LRMDA: variants seen among roughly 807,000 people sequenced by gnomAD.
LRMDA encodes the protein leucine rich melanocyte differentiation associated.
In LRMDA, 18 loss-of-function variants were observed where a neutral mutation model predicts 29.8. The ratio of observed to expected loss-of-function variants is 0.60; its 90% CI spans 0.42 to 0.90. The LOEUF is 0.90. LRMDA is among the 40% of genes least tolerant of loss of function. The pLI, the probability that LRMDA is intolerant of heterozygous loss-of-function variation, is 0.00. For synonymous variants in LRMDA, 125 were observed against 109.4 expected (o/e 1.14, Z -0.89); for missense variants, 273 against 273.9 (o/e 1.00, Z 0.02).
intron 2 of LRMDA, among the ~76,000 whole-genome samples, chr10:75,563,409 G>A (rs1350051968): frequency 6.6e-6 from 1 of 151,974 alleles, no homozygotes; most frequent in Admixed American, 6.6e-5. Flanking sequence ...CTCTGTATTG[G>A]TTATGCTAGT....
At position 75,709,276 on chromosome 10, in the gene LRMDA, T is replaced by C. The variant is rs372387698; in HGVS notation, c.131+270782T>C. ...AATAAATTTATAGAGTAGATTGCAA[T>C]GATGATGCTAACACTGGTGATGAGG... On this transcript the variant is annotated intron_variant, in intron 2 of 6. Transcript: ENST00000611255. 3.9e-5 allele frequency among the ~76,000 whole-genome samples: 6 copies of C among 152,294 alleles called. No individual in the cohort carries two copies. The East Asian group carries it at 1.2e-3, about 29-fold the overall frequency.
intron 6 of LRMDA, among the ~76,000 whole-genome samples, chr10:76,338,219 C>T (rs1840993410): frequency 1.3e-5 from 2 of 151,964 alleles, no homozygotes. Context: ...CAAGACCCAG[C>T]AGGGTGGCAT....
intron 2 of LRMDA, among the ~76,000 whole-genome samples, chr10:75,580,403 C>G (rs1438900932): frequency 6.6e-6 from 1 of 152,066 alleles, no homozygotes. Flanking sequence ...AACCACTGCT[C>G]AAGGAAATAA....
intron 2 of LRMDA, among the ~76,000 whole-genome samples, chr10:75,857,885 G>A (rs1844854436): frequency 6.6e-6 from 1 of 152,142 alleles, no homozygotes; most frequent in African/African-American, 2.4e-5. Context: ...CTGCAGGAGG[G>A]CACACACAGT....
chr10:76,181,202 C>T (rs1046613407), intron 5 of LRMDA, among the ~76,000 whole-genome samples: 4 of 152,302 alleles, frequency 2.6e-5, no homozygotes, highest in East Asian at 3.9e-4. Flanking sequence ...ATATACATTT[C>T]TCAAGGGCCC....
At chr10:75,709,022 A>T (rs1842404167) in intron 2 of LRMDA, among the ~76,000 whole-genome samples, 1 of 152,146 alleles carries the variant, frequency 6.6e-6, no homozygotes, top group Non-Finnish European at 1.5e-5. Flanking sequence ...TGGGAAATGG[A>T]TTCCATACCT....
chr10:76,296,001 C>A lies in LRMDA; in HGVS notation c.517-28400C>A, dbSNP rs140695098. Among the ~76,000 whole-genome samples, 564 of 152,246 alleles carry A rather than the reference C, an allele frequency of 3.7e-3. 5 individuals are homozygous for A. The highest frequency in any genetic ancestry group is 6.7e-3 in the Admixed American group (102 of 15,290). ...ATTTTATCTCCCAATCTCCATAGTACGTAATTTGGGATTAGGGACTTTGCC... is the reference window on the plus strand; with the variant it reads ...ATTTTATCTCCCAATCTCCATAGTAAGTAATTTGGGATTAGGGACTTTGCC... On this transcript the variant is annotated intron_variant, in intron 5 of 6. Coordinates refer to ENST00000611255, the MANE Select transcript of LRMDA (RefSeq NM_001305581.2).
At chr10:76,362,569 TTTTG>T (rs997224308) in intron 6 of LRMDA, among the ~76,000 whole-genome samples, 1 of 152,212 alleles carries the variant, frequency 6.6e-6, no homozygotes, top group Non-Finnish European at 1.5e-5. Context: ...ATTTATTTAT[TTTTG>T]TTTTAGATTC....
At chr10:75,964,142 A>T (rs1846816457) in intron 2 of LRMDA, among the ~76,000 whole-genome samples, 1 of 152,234 alleles carries the variant, frequency 6.6e-6, no homozygotes, top group South Asian at 2.1e-4. Flanking sequence ...CAGAGAAGGA[A>T]TGCGTTACAA....
At chr10:75,509,876 CCTGT>C (rs1845208476) in intron 2 of LRMDA, among the ~76,000 whole-genome samples, 1 of 152,178 alleles carries the variant, frequency 6.6e-6, no homozygotes, top group Middle Eastern at 3.2e-3. Flanking sequence ...GCTCTTACAG[CCTGT>C]CTGAGGCAGA....
chr10:76,534,516 C>T (rs559702236), intron 6 of LRMDA, among the ~76,000 whole-genome samples: 1 of 152,258 alleles, frequency 6.6e-6, no homozygotes. Flanking sequence ...GAGGAAATTG[C>T]CTGTATTGGC....
At chr10:75,683,950 GA>G (rs1365560733) in intron 2 of LRMDA, among the ~76,000 whole-genome samples, 2 of 152,184 alleles carry the variant, frequency 1.3e-5, no homozygotes, top group East Asian at 3.8e-4. Flanking sequence ...TGCCCCACCA[GA>G]GTTTTATAGG....
intron 2 of LRMDA, among the ~76,000 whole-genome samples, chr10:75,964,778 G>T (rs947731607): frequency 6.6e-6 from 1 of 152,100 alleles, no homozygotes; most frequent in Non-Finnish European, 1.5e-5. Context: ...TTTTGTTGTT[G>T]TTGTTTTGAG....
chr10:75,571,207 A>T (rs1840433149), intron 2 of LRMDA, among the ~76,000 whole-genome samples: 1 of 152,178 alleles, frequency 6.6e-6, no homozygotes, highest in Admixed American at 6.5e-5. Flanking sequence ...TGTAGTAGAG[A>T]TATAGGTCAA....
chr10:76,225,582 C>A (rs998613698), intron 5 of LRMDA, among the ~76,000 whole-genome samples: 20 of 151,978 alleles, frequency 1.3e-4, no homozygotes, highest in Non-Finnish European at 8.8e-5. Context: ...GAGCCTGGAA[C>A]TTCCTCACTT....
At chr10:76,504,277 T>A (rs1842938795) in intron 6 of LRMDA, among the ~76,000 whole-genome samples, 1 of 152,064 alleles carries the variant, frequency 6.6e-6, no homozygotes, top group Admixed American at 6.6e-5. Flanking sequence ...ATATGTTCCA[T>A]GTGCAGATGA....
chr10:76,325,177 C>G (rs1484631611), intron 6 of LRMDA, among the ~76,000 whole-genome samples: 1 of 152,192 alleles, frequency 6.6e-6, no homozygotes, highest in African/African-American at 2.4e-5. Context: ...AGGGGCTATT[C>G]TAGCATTGTC....
intron 6 of LRMDA, among the ~76,000 whole-genome samples, chr10:76,457,032 A>T (rs1420879522): frequency 1.3e-5 from 2 of 152,100 alleles, no homozygotes; most frequent in Non-Finnish European, 2.9e-5. Context: ...AGTTCCATGG[A>T]TGTCTGCGGA....
At chr10:76,383,307 A>T (rs1841615202) in intron 6 of LRMDA, among the ~76,000 whole-genome samples, 1 of 151,966 alleles carries the variant, frequency 6.6e-6, no homozygotes. Flanking sequence ...CCTTAAGTGA[A>T]CTGGCCGTGT....
Sources: gnomAD v4.1 joint callset for allele counts (sites outside exome capture counted in the v4.1 genomes callset) on GRCh38, gnomAD v4.1.1 for gene constraint, MANE v1.5 for transcripts, NCBI Gene and HGNC (gene_info 2026-07-23, HGNC 2026-07-21) for gene names.